LINGO2: variants seen among roughly 807,000 people sequenced by gnomAD.
LINGO2 encodes leucine-rich repeat and immunoglobulin-like domain-containing nogo receptor-interacting protein 2.
LINGO2 carries 14 observed loss-of-function variants against 30.6 expected under a neutral mutation model. The observed-to-expected ratio is 0.46, with a 90% CI of 0.30 to 0.72. The LOEUF (loss-of-function observed/expected upper bound fraction) is 0.72, where lower values mean the gene tolerates loss of function less well. Ranked by LOEUF, LINGO2 falls within the 30% of genes least tolerant of loss-of-function variation. The probability of loss-of-function intolerance (pLI) is 0.07; values close to 1 mark genes in which losing one functional copy is unlikely to be tolerated. For missense variants in LINGO2, 729 were observed against 751.7 expected, an observed-to-expected ratio of 0.97 and a Z score of 0.35; for synonymous variants, 317 against 288.5, an observed-to-expected ratio of 1.10 and a Z score of -1.00.
At chr9:28,100,320 G>C (rs573891775) in intron 4 of LINGO2, among the ~76,000 whole-genome samples, 2 of 152,234 alleles carry the variant, frequency 1.3e-5, no homozygotes, top group South Asian at 4.1e-4. Context: ...CATGTGCTAG[G>C]CACTAGATAT....
chr9:28,402,127 G>A (rs1463062775), intron 2 of LINGO2, among the ~76,000 whole-genome samples: 4 of 152,124 alleles, frequency 2.6e-5, no homozygotes, highest in African/African-American at 9.7e-5. Context: ...CACCCAGGTG[G>A]ATACAGTTAA....
At chr9:28,994,579 G>C in the LINGO2 span, among the ~76,000 whole-genome samples, 2 of 151,036 alleles carry the variant, frequency 1.3e-5, no homozygotes, top group Non-Finnish European at 3.0e-5. Context: ...TAAGCCAAAA[G>C]AACAAAGCTG....
intron 4 of LINGO2, among the ~76,000 whole-genome samples, chr9:28,232,910 C>T (rs910427356): frequency 4.0e-5 from 6 of 150,794 alleles, no homozygotes; most frequent in Non-Finnish European, 7.4e-5. Context: ...AACTACTCAC[C>T]CATGCATATG....
At chr9:28,291,099 T>G (rs541657792) in intron 4 of LINGO2, among the ~76,000 whole-genome samples, 2 of 152,330 alleles carry the variant, frequency 1.3e-5, no homozygotes, top group Non-Finnish European at 2.9e-5. Flanking sequence ...TCAGCTGCCC[T>G]TCTTACCCTG....
chr9:28,090,898 C>T (rs914932078), intron 4 of LINGO2, among the ~76,000 whole-genome samples: 21 of 152,086 alleles, frequency 1.4e-4, no homozygotes, highest in African/African-American at 4.6e-4. Context: ...GCAAAAATCA[C>T]AAGCATTCTT....
At chr9:28,593,742 C>T (rs1825039408) in intron 1 of LINGO2, among the ~76,000 whole-genome samples, 2 of 151,982 alleles carry the variant, frequency 1.3e-5, no homozygotes, top group Non-Finnish European at 2.9e-5. Flanking sequence ...TCTCTGATAC[C>T]AAAGGCAGGG....
chr9:28,667,572 C>T (rs1828852125), intron 1 of LINGO2, among the ~76,000 whole-genome samples: 1 of 152,036 alleles, frequency 6.6e-6, no homozygotes, highest in Non-Finnish European at 1.5e-5. Context: ...GATGAAACCA[C>T]ATCTCCACTA....
At chr9:28,210,945 T>C (rs932588070) in intron 4 of LINGO2, among the ~76,000 whole-genome samples, 1 of 151,578 alleles carries the variant, frequency 6.6e-6, no homozygotes, top group African/African-American at 2.4e-5. Flanking sequence ...TCCAGCTTAG[T>C]GGTACCATTC....
chr9:28,933,833 T>A, the LINGO2 span, among the ~76,000 whole-genome samples: 1 of 152,252 alleles, frequency 6.6e-6, no homozygotes, highest in African/African-American at 2.4e-5. Flanking sequence ...GATAATCATT[T>A]CAAAACAATT....
the LINGO2 span, among the ~76,000 whole-genome samples, chr9:28,991,548 C>T: frequency 5.5e-5 from 7 of 127,088 alleles, 1 homozygote; most frequent in South Asian, 8.3e-4. Flanking sequence ...AGAGCAACTC[C>T]AAGACACATA....
At chr9:28,138,272 T>G (rs1437580913) in intron 4 of LINGO2, among the ~76,000 whole-genome samples, 6 of 152,198 alleles carry the variant, frequency 3.9e-5, no homozygotes, top group African/African-American at 7.2e-5. Context: ...AGTAATTCTC[T>G]CTGGACTCTG....
At chr9:28,019,928 A>G (rs1016394055) in intron 4 of LINGO2, among the ~76,000 whole-genome samples, 1 of 152,136 alleles carries the variant, frequency 6.6e-6, no homozygotes, top group Non-Finnish European at 1.5e-5. Context: ...AAACTTAGCC[A>G]ATCTTCAGAA....
intron 2 of LINGO2, among the ~76,000 whole-genome samples, chr9:28,422,825 G>C (rs1032900020): frequency 5.9e-5 from 9 of 152,146 alleles, no homozygotes; most frequent in African/African-American, 1.9e-4. Flanking sequence ...ATATACAATG[G>C]AGTATTTTTC....
chr9:28,127,001 A>G (rs991203444), intron 4 of LINGO2, among the ~76,000 whole-genome samples: 1 of 152,236 alleles, frequency 6.6e-6, no homozygotes, highest in African/African-American at 2.4e-5. Context: ...CATTTATATG[A>G]GTACACACAA....
At chr9:28,310,394 A>G (rs920330132) in intron 3 of LINGO2, among the ~76,000 whole-genome samples, 2 of 152,188 alleles carry the variant, frequency 1.3e-5, no homozygotes, top group Non-Finnish European at 2.9e-5. Context: ...CAATACATCA[A>G]TGAATCACAA....
chr9:28,592,251 CAT>C lies in LINGO2; in HGVS notation c.-365+77947_-365+77948del, dbSNP rs141995890. The stretch of plus-strand genomic sequence containing the variant: ...AAGGTACTATGTATTTAATGAAACA[CAT>C]AAAAGAAGGAAGCTGGGTTGGAGAA... On this transcript the variant is annotated intron_variant, in intron 1 of 5. Coordinates refer to ENST00000379992, the Ensembl canonical transcript of LINGO2. Among the ~76,000 whole-genome samples, 18 of 152,042 alleles carry C rather than the reference CAT, an allele frequency of 1.2e-4. No homozygotes were observed. In the East Asian group the frequency reaches 2.9e-3, roughly 25 times the overall value.
At chr9:28,179,317 C>CCATATATAGTATTTTATACTATA (rs1454158170) in intron 4 of LINGO2, among the ~76,000 whole-genome samples, 1 of 85,704 alleles carries the variant, frequency 1.2e-5, no homozygotes, top group South Asian at 5.8e-4. Context: ...ACTATATATA[C>CCATATATAGTATTTTATACTATA]TATACTATAT....
chr9:28,582,302 T>C (rs1244069001), intron 1 of LINGO2, among the ~76,000 whole-genome samples: 2 of 152,050 alleles, frequency 1.3e-5, no homozygotes, highest in African/African-American at 2.4e-5. Flanking sequence ...AGAAAAAGAT[T>C]ATTGTTTGAC....
In LINGO2 at chr9:28,513,084, T is replaced by TACACACACAC. The variant is rs57773955; in HGVS notation, c.-364-37069_-364-37060dup. Among the ~76,000 whole-genome samples the TACACACACAC allele has an allele frequency of 4.7e-4, 69 of 146,752 alleles. 1 individual carries two copies. The highest frequency in any genetic ancestry group is 6.1e-4 in the African/African-American group (24 of 39,090). ...AGTTGATGCTCAGTATTAACCATCA[T>TACACACACAC]ACACACACACACACACACACACACA... On this transcript the variant is annotated intron_variant, in intron 1 of 5. Transcript: ENST00000379992.
Sources: allele counts gnomAD v4.1 joint callset (sites outside exome capture counted in the v4.1 genomes callset), GRCh38; gene constraint gnomAD v4.1.1; transcripts MANE v1.5; gene names NCBI Gene and HGNC (gene_info 2026-07-23, HGNC 2026-07-21).